PHF14: variants seen among roughly 807,000 people sequenced by gnomAD.
PHF14 encodes PHD finger protein 14.
Under a neutral mutation model 117.9 loss-of-function variants are expected in PHF14, and 55 were observed. The ratio of observed to expected loss-of-function variants is 0.47; its 90% CI spans 0.38 to 0.58. The LOEUF (loss-of-function observed/expected upper bound fraction) is 0.58. Among genes scored for constraint, PHF14 ranks in the 20% least tolerant of loss-of-function variants. The pLI is 0.00. For synonymous variants in PHF14, 409 were observed against 368.6 expected, an observed-to-expected ratio of 1.11 and a Z score of -1.26; for missense variants, 978 against 1,122.2, an observed-to-expected ratio of 0.87 and a Z score of 1.84.
intron 16 of PHF14, among the ~76,000 whole-genome samples, chr7:11,079,521 T>C (rs1265533111): frequency 6.6e-6 from 1 of 152,180 alleles, no homozygotes; most frequent in African/African-American, 2.4e-5. Flanking sequence ...GATGTATGTA[T>C]TTCCTATTAC....
chr7:11,048,310 C>T (rs1357938911), intron 13 of PHF14, among the ~76,000 whole-genome samples: 2 of 152,060 alleles, frequency 1.3e-5, no homozygotes, highest in Non-Finnish European at 1.5e-5. Context: ...TGGTGGCTCA[C>T]GCCTGAAATC....
intron 17 of PHF14, among the ~76,000 whole-genome samples, chr7:11,140,171 T>C (rs1010577902): frequency 2.3e-4 from 35 of 152,202 alleles, no homozygotes; most frequent in African/African-American, 7.9e-4. Context: ...CATACATCTC[T>C]ACCAACAACT....
At chr7:11,140,692 A>C (rs575867643) in intron 17 of PHF14, among the ~76,000 whole-genome samples, 1 of 152,146 alleles carries the variant, frequency 6.6e-6, no homozygotes, top group African/African-American at 2.4e-5. Context: ...CAAGCAAGGA[A>C]GTTGAAATAA....
At chr7:11,150,857 C>T (rs988770414) in intron 17 of PHF14, among the ~76,000 whole-genome samples, 1 of 152,138 alleles carries the variant, frequency 6.6e-6, no homozygotes, top group Non-Finnish European at 1.5e-5. Flanking sequence ...CTGTGGTTCA[C>T]TTGTATTCCT....
chr7:11,034,810 A>G (rs1784258914), intron 7 of PHF14, among the ~76,000 whole-genome samples: 1 of 151,924 alleles, frequency 6.6e-6, no homozygotes, highest in Admixed American at 6.6e-5. Flanking sequence ...CGGTCTCCCA[A>G]AGTGCTGGGA....
chr7:11,087,947 T>C (rs1010453114), intron 16 of PHF14, among the ~76,000 whole-genome samples: 4 of 152,230 alleles, frequency 2.6e-5, no homozygotes. Context: ...AGGGCAATTA[T>C]TTATAAAACA....
At chr7:11,107,224 A>G (rs934119695) in intron 16 of PHF14, 2 of 977,366 alleles carry the variant, frequency 2.0e-6, no homozygotes, top group Non-Finnish European at 2.4e-6. Context: ...AGTCAGGTAA[A>G]CACCTGACTA....
intron 17 of PHF14, among the ~76,000 whole-genome samples, chr7:11,114,671 C>G (rs2128344211): frequency 1.3e-5 from 2 of 152,242 alleles, no homozygotes; most frequent in South Asian, 4.1e-4. Flanking sequence ...CCTAAGTAGT[C>G]ATTTTGAGTT....
chr7:11,095,795 C>T (rs1045699550), intron 16 of PHF14, among the ~76,000 whole-genome samples: 6 of 152,034 alleles, frequency 3.9e-5, no homozygotes, highest in Admixed American at 2.0e-4. Flanking sequence ...AGCATCATCA[C>T]GGACATCTCA....
intron 14 of PHF14, 69 bp downstream of exon 14, chr7:11,051,849 A>G (rs1583414413): frequency 3.1e-6 from 4 of 1,303,926 alleles, no homozygotes; most frequent in East Asian, 2.3e-5. Context: ...AGTGAGAAAG[A>G]CACAGGGCAA....
chr7:11,064,993 T>A (rs1785377374), intron 16 of PHF14, among the ~76,000 whole-genome samples: 1 of 152,080 alleles, frequency 6.6e-6, no homozygotes, highest in Non-Finnish European at 1.5e-5. Flanking sequence ...AGGTCACAAT[T>A]GGTAAATATG....
intron 17 of PHF14, among the ~76,000 whole-genome samples, chr7:11,133,789 C>G (rs150019590): frequency 2.4e-4 from 36 of 152,136 alleles, no homozygotes; most frequent in African/African-American, 8.2e-4. Context: ...CATATTACAT[C>G]ATAAAACGAT....
chr7:11,105,495 C>CT (rs1350746072), intron 16 of PHF14: 1 of 979,528 alleles, frequency 1.0e-6, no homozygotes, highest in Non-Finnish European at 1.2e-6. Context: ...CAGAAGGACT[C>CT]TCCAGCAGAG....
At chr7:11,047,049 C>G (rs201862196) in intron 13 of PHF14, among the ~76,000 whole-genome samples, 1 of 150,664 alleles carries the variant, frequency 6.6e-6, no homozygotes, top group East Asian at 2.0e-4. Context: ...GAATAAAATT[C>G]TCTAAATTAG....
chr7:11,032,169 G>C (rs116176470), intron 7 of PHF14, among the ~76,000 whole-genome samples: 1,937 of 152,284 alleles, frequency 0.013, 44 homozygotes, highest in East Asian at 0.1. Context: ...GGAGGCTGAG[G>C]TGGGAGGATT....
rs529930854 is a variant in PHF14, at chr7:11,050,221, A to T, written c.2313-1391A>T. Among the ~76,000 whole-genome samples the T allele has an allele frequency of 7.2e-5, 11 of 152,334 alleles. No individual in the cohort carries two copies. The South Asian group carries it at 2.3e-3, about 32-fold the overall frequency. Reference sequence around the variant, plus strand: ...GAAAGATGTGAATTTTGATGGAACGAAATCAAATCATAAATCTTTGAAAAT... The same window carrying T: ...GAAAGATGTGAATTTTGATGGAACGTAATCAAATCATAAATCTTTGAAAAT... On this transcript the variant is annotated intron_variant, in intron 13 of 17. Transcript: ENST00000634607.
At chr7:11,107,084 A>G in intron 16 of PHF14, 1 of 983,828 alleles carries the variant, frequency 1.0e-6, no homozygotes, top group Non-Finnish European at 1.2e-6. Flanking sequence ...TAGGTTTTAA[A>G]AAGTAGTTGT....
At position 11,051,789 on chromosome 7, in the gene PHF14, T is replaced by G; in HGVS notation, c.2481+9T>G. 1 of 1,611,116 alleles carries G rather than the reference T, an allele frequency of 6.2e-7. No individual in the cohort carries two copies. Among genetic ancestry groups the G allele is most frequent in the South Asian group, 1.1e-5 (1 of 90,750 alleles). ...TTCCGATAAGAAACACGGTAGTTTA[T>G]TTTTTATTTATCATAAGCATCATAC... On this transcript the variant is annotated intron_variant, in intron 14 of 17. Coordinates refer to ENST00000634607, the MANE Select transcript of PHF14 (RefSeq NM_001007157.2).
At chr7:11,068,796 C>A (rs1301514591) in intron 16 of PHF14, among the ~76,000 whole-genome samples, 1 of 151,970 alleles carries the variant, frequency 6.6e-6, no homozygotes, top group East Asian at 1.9e-4. Context: ...GGGAAAGGGG[C>A]TGGGGCAGGG....
Sources: gnomAD v4.1 joint callset for allele counts (sites outside exome capture counted in the v4.1 genomes callset) on GRCh38, gnomAD v4.1.1 for gene constraint, MANE v1.5 for transcripts, NCBI Gene and HGNC (gene_info 2026-07-23, HGNC 2026-07-21) for gene names.